Variants in PCSK2 observed in about 807,000 individuals in gnomAD.
PCSK2 encodes the protein proprotein convertase subtilisin/kexin type 2.
PCSK2 carries 14 observed loss-of-function variants against 69.7 expected under a neutral mutation model. That is an observed-to-expected ratio of 0.20 (90% CI 0.13 to 0.31). The LOEUF (loss-of-function observed/expected upper bound fraction) is 0.31, where lower values mean the gene tolerates loss of function less well. PCSK2 is among the 10% of genes least tolerant of loss of function. PCSK2 has a pLI of 1.00. For synonymous variants in PCSK2, 307 were observed against 320.7 expected, an observed-to-expected ratio of 0.96 and a Z score of 0.46; for missense variants, 544 against 842.5, an observed-to-expected ratio of 0.65 and a Z score of 4.39.
intron 2 of PCSK2, among the ~76,000 whole-genome samples, chr20:17,314,069 C>T (rs1311605655): frequency 6.6e-6 from 1 of 152,038 alleles, no homozygotes; most frequent in African/African-American, 2.4e-5. Flanking sequence ...CCTACCCCCA[C>T]CCCAAAGAGA....
intron 2 of PCSK2, among the ~76,000 whole-genome samples, chr20:17,298,693 T>C (rs1399842160): frequency 6.6e-6 from 1 of 152,140 alleles, no homozygotes; most frequent in East Asian, 1.9e-4. Flanking sequence ...AAAATATTTT[T>C]AAGTAATTTT....
intron 11 of PCSK2, among the ~76,000 whole-genome samples, chr20:17,470,927 T>C (rs1162345521): frequency 6.6e-6 from 1 of 152,184 alleles, no homozygotes; most frequent in African/African-American, 2.4e-5. Context: ...TAAGCAATAT[T>C]TACAATTAAC....
chr20:17,363,310 C>T (rs1356104483), intron 4 of PCSK2, among the ~76,000 whole-genome samples: 1 of 152,204 alleles, frequency 6.6e-6, no homozygotes, highest in Non-Finnish European at 1.5e-5. Context: ...CAATAAATAT[C>T]TGCTGCCTTC....
chr20:17,303,475 ATAT>A, intron 2 of PCSK2, among the ~76,000 whole-genome samples: 1 of 49,722 alleles, frequency 2.0e-5, no homozygotes, highest in Middle Eastern at 0.012. Context: ...TATATATTAT[ATAT>A]AATATATATT....
intron 1 of PCSK2, among the ~76,000 whole-genome samples, chr20:17,241,399 G>A (rs1384276261): frequency 6.6e-6 from 1 of 152,304 alleles, no homozygotes; most frequent in Middle Eastern, 3.4e-3. Context: ...GGATTTTGCA[G>A]GTAGGTGGAA....
intron 5 of PCSK2, among the ~76,000 whole-genome samples, chr20:17,397,484 A>G (rs1015056868): frequency 6.5e-5 from 5 of 76,626 alleles, no homozygotes; most frequent in Non-Finnish European, 1.1e-4. Flanking sequence ...AAAATTCAAT[A>G]TATTTTTTTT....
intron 2 of PCSK2, among the ~76,000 whole-genome samples, chr20:17,338,597 C>T (rs1990425847): frequency 6.6e-6 from 1 of 152,156 alleles, no homozygotes; most frequent in Non-Finnish European, 1.5e-5. Flanking sequence ...CTAAAGAAAA[C>T]TCTCTTTTTC....
intron 2 of PCSK2, among the ~76,000 whole-genome samples, chr20:17,346,617 C>T (rs1157432303): frequency 6.6e-6 from 1 of 152,188 alleles, no homozygotes; most frequent in African/African-American, 2.4e-5. Context: ...TCAGGAGACA[C>T]TCATTGAGAG....
intron 11 of PCSK2, among the ~76,000 whole-genome samples, chr20:17,471,046 A>C (rs529201666): frequency 6.6e-6 from 1 of 152,324 alleles, no homozygotes; most frequent in South Asian, 2.1e-4. Context: ...CTGAGATTGC[A>C]CTGGACAAGC....
intron 5 of PCSK2, among the ~76,000 whole-genome samples, chr20:17,370,411 T>C (rs1402359589): frequency 2.0e-5 from 3 of 152,194 alleles, no homozygotes; most frequent in African/African-American, 7.2e-5. Flanking sequence ...ATTCAAGGGA[T>C]CTTATAAATC....
chr20:17,358,212 G>C (rs930594275), intron 2 of PCSK2, 115 bp from the exon 3 acceptor site: 13 of 650,068 alleles, frequency 2.0e-5, no homozygotes, highest in Middle Eastern at 2.9e-4. Flanking sequence ...ACTTGCTTTT[G>C]CCAAAGAAAA....
chr20:17,285,645 T>C (rs1988486943), intron 2 of PCSK2, among the ~76,000 whole-genome samples: 1 of 152,222 alleles, frequency 6.6e-6, no homozygotes, highest in Admixed American at 6.5e-5. Context: ...TGCAGACAGA[T>C]TGGCCACATA....
chr20:17,257,716 T>C (rs1461869999), intron 1 of PCSK2, among the ~76,000 whole-genome samples: 1 of 152,216 alleles, frequency 6.6e-6, no homozygotes, highest in Non-Finnish European at 1.5e-5. Flanking sequence ...AACTCTGCTA[T>C]GGCCTTCACC....
chr20:17,411,788 G>A (rs1190645178), intron 6 of PCSK2, among the ~76,000 whole-genome samples: 2 of 152,224 alleles, frequency 1.3e-5, no homozygotes, highest in Non-Finnish European at 2.9e-5. Flanking sequence ...GCTCACAAAG[G>A]TGGGTGCCCC....
At chr20:17,360,785 A>C (rs2030366214) in intron 4 of PCSK2, 145 bp downstream of exon 4, 3 of 574,754 alleles carry the variant, frequency 5.2e-6, no homozygotes, top group Non-Finnish European at 9.5e-6. Flanking sequence ...CTGTGCCCAG[A>C]TCTTCACCTT....
chr20:17,463,649 C>A (rs2033049694), intron 10 of PCSK2: 1 of 150,710 alleles, frequency 6.6e-6, no homozygotes, highest in Non-Finnish European at 1.5e-5. Flanking sequence ...CTAATGCTAT[C>A]CCTCCCCATC....
intron 2 of PCSK2, chr20:17,263,035 G>A (rs1427437594): frequency 1.1e-5 from 4 of 353,308 alleles, no homozygotes; most frequent in Non-Finnish European, 1.6e-5. Context: ...AGCCCAGGGA[G>A]GGTGGTCTGA....
At chr20:17,371,856 A>C (rs1305574804) in intron 5 of PCSK2, among the ~76,000 whole-genome samples, 3 of 152,094 alleles carry the variant, frequency 2.0e-5, no homozygotes, top group Non-Finnish European at 4.4e-5. Context: ...TCAGTGTTTC[A>C]CTGTAAGAGG....
chr20:17,228,603 G>GTCACTCCC (rs1278405678), intron 1 of PCSK2, among the ~76,000 whole-genome samples: 4 of 152,320 alleles, frequency 2.6e-5, no homozygotes, highest in South Asian at 4.1e-4. Flanking sequence ...CAGGAAGAGA[G>GTCACTCCC]AGGAGTGAGA....
Sources: allele counts gnomAD v4.1 joint callset (sites outside exome capture counted in the v4.1 genomes callset), GRCh38; gene constraint gnomAD v4.1.1; transcripts MANE v1.5; gene names NCBI Gene and HGNC (gene_info 2026-07-23, HGNC 2026-07-21).